Variants in GLIS3 observed in about 807,000 individuals in gnomAD.
GLIS3 encodes the protein GLIS family zinc finger 3.
Under a neutral mutation model 78.6 loss-of-function variants are expected in GLIS3, and 53 were observed. The observed-to-expected ratio is 0.67, with a 90% CI of 0.54 to 0.85. GLIS3 has a LOEUF of 0.85. Among genes scored for constraint, GLIS3 ranks in the 40% least tolerant of loss-of-function variants. The pLI is 0.00. For synonymous variants in GLIS3, 684 were observed against 509.9 expected, an observed-to-expected ratio of 1.34 and a Z score of -4.60; for missense variants, 1,703 against 1,231.1, an observed-to-expected ratio of 1.38 and a Z score of -5.74.
chr9:4,237,316 A>C (rs1482201534), intron 2 of GLIS3, among the ~76,000 whole-genome samples: 2 of 152,192 alleles, frequency 1.3e-5, no homozygotes, highest in Admixed American at 1.3e-4. Flanking sequence ...AGCCACAAAA[A>C]TGATGACACA....
At chr9:4,103,167 G>C (rs909795325) in intron 4 of GLIS3, among the ~76,000 whole-genome samples, 1 of 152,080 alleles carries the variant, frequency 6.6e-6, no homozygotes, top group Admixed American at 6.6e-5. Context: ...TCAACACATA[G>C]TACACAAAAG....
At chr9:4,397,208 G>T in the GLIS3 span, among the ~76,000 whole-genome samples, 1 of 141,662 alleles carries the variant, frequency 7.1e-6, no homozygotes, top group Non-Finnish European at 1.5e-5. Flanking sequence ...TGTATTTTTA[G>T]TAGAGACGGG....
intron 3 of GLIS3, among the ~76,000 whole-genome samples, chr9:4,119,633 G>C (rs750522017): frequency 6.6e-6 from 1 of 152,156 alleles, no homozygotes; most frequent in Non-Finnish European, 1.5e-5. Flanking sequence ...CTTGCTAGTT[G>C]GGTTTTCTGT....
the GLIS3 span, among the ~76,000 whole-genome samples, chr9:4,426,650 G>C: frequency 6.6e-6 from 1 of 152,298 alleles, no homozygotes; most frequent in Non-Finnish European, 1.5e-5. Flanking sequence ...TGGATTATTT[G>C]GGCAACCATA....
chr9:4,414,862 G>C, the GLIS3 span, among the ~76,000 whole-genome samples: 2 of 151,836 alleles, frequency 1.3e-5, no homozygotes, highest in Non-Finnish European at 2.9e-5. Context: ...CGAGAATCCT[G>C]TTAGGTCAGT....
intron 3 of GLIS3, 69 bp downstream of exon 3, chr9:4,125,665 G>A (rs1027876604): frequency 2.9e-6 from 3 of 1,020,940 alleles, no homozygotes; most frequent in East Asian, 4.7e-5. Context: ...TATTCAGAAA[G>A]AGAACGGAAA....
chr9:4,064,098 C>T (rs1218827691), intron 4 of GLIS3, among the ~76,000 whole-genome samples: 1 of 151,700 alleles, frequency 6.6e-6, no homozygotes, highest in Non-Finnish European at 1.5e-5. Context: ...AATAAGGCAA[C>T]ATTAAAATAT....
chr9:4,389,988 C>T, the GLIS3 span, among the ~76,000 whole-genome samples: 136 of 152,312 alleles, frequency 8.9e-4, 1 homozygote, highest in African/African-American at 3.0e-3. Flanking sequence ...ATTATTCACT[C>T]ATTCTTTCTT....
intron 2 of GLIS3, among the ~76,000 whole-genome samples, chr9:4,203,246 A>T (rs1365906971): frequency 6.6e-6 from 1 of 152,238 alleles, no homozygotes; most frequent in Non-Finnish European, 1.5e-5. Flanking sequence ...TAGTCATCAG[A>T]TAAATGCAAC....
upstream of GLIS3, among the ~76,000 whole-genome samples, chr9:4,353,266 T>C (rs1817997643): frequency 6.6e-6 from 1 of 152,152 alleles, no homozygotes; most frequent in South Asian, 2.1e-4. Flanking sequence ...GGTACAGATG[T>C]CTGTAGCCCA....
chr9:4,147,126 G>T (rs868120231), intron 2 of GLIS3, among the ~76,000 whole-genome samples: 1 of 152,116 alleles, frequency 6.6e-6, no homozygotes, highest in African/African-American at 2.4e-5. Context: ...TGAACATTAT[G>T]CAGGCAATAT....
At chr9:3,903,618 A>G (rs1654272672) in intron 6 of GLIS3, among the ~76,000 whole-genome samples, 1 of 152,326 alleles carries the variant, frequency 6.6e-6, no homozygotes, top group East Asian at 1.9e-4. Flanking sequence ...CCTCAACCAT[A>G]TGCCAGGCAC....
chr9:3,888,133 A>G (rs936215199), intron 7 of GLIS3, among the ~76,000 whole-genome samples: 26 of 152,294 alleles, frequency 1.7e-4, no homozygotes, highest in Middle Eastern at 6.8e-3. Context: ...AAGGCAGAAA[A>G]AAAGGAGAAA....
At chr9:4,046,620 A>C (rs75694460) in intron 4 of GLIS3, among the ~76,000 whole-genome samples, 5,549 of 152,290 alleles carry the variant, frequency 0.036, 341 homozygotes, top group African/African-American at 0.12. Context: ...GTAGGTAATA[A>C]ATCTTTTCTA....
At chr9:4,101,958 C>A (rs776053175) in intron 4 of GLIS3, among the ~76,000 whole-genome samples, 4 of 152,122 alleles carry the variant, frequency 2.6e-5, no homozygotes, top group Non-Finnish European at 5.9e-5. Flanking sequence ...AAACTTAGAC[C>A]ACACATTTTC....
intron 6 of GLIS3, among the ~76,000 whole-genome samples, chr9:3,900,338 A>G (rs1057002328): frequency 1.3e-5 from 2 of 152,178 alleles, no homozygotes; most frequent in Non-Finnish European, 2.9e-5. Context: ...TGAGAGAGGC[A>G]TTGTTCAACA....
At chr9:4,182,346 C>T (rs56158656) in intron 2 of GLIS3, among the ~76,000 whole-genome samples, 17,896 of 152,142 alleles carry the variant, frequency 0.12, 1,292 homozygotes, top group African/African-American at 0.2. Context: ...GTCCGTACTC[C>T]TTCAACACTC....
At chr9:4,483,331 A>G in the GLIS3 span, among the ~76,000 whole-genome samples, 2 of 152,214 alleles carry the variant, frequency 1.3e-5, no homozygotes, top group Admixed American at 6.5e-5. Flanking sequence ...TGTCTGCTGG[A>G]CACAGGTGAA....
At chr9:4,378,394 A>C in the GLIS3 span, among the ~76,000 whole-genome samples, 5 of 152,140 alleles carry the variant, frequency 3.3e-5, no homozygotes, top group Non-Finnish European at 5.9e-5. Context: ...CTGTTTCTCC[A>C]AAATATTTAA....
Sources: allele counts gnomAD v4.1 joint callset (sites outside exome capture counted in the v4.1 genomes callset), GRCh38; gene constraint gnomAD v4.1.1; transcripts MANE v1.5; gene names NCBI Gene and HGNC (gene_info 2026-07-23, HGNC 2026-07-21).